The following PCDHA5 variants were observed in gnomAD, a reference collection of about 807,000 sequenced individuals.
The protein encoded by PCDHA5 is protocadherin alpha-5.
In PCDHA5, 43 loss-of-function variants were observed where a neutral mutation model predicts 61.6. The observed-to-expected ratio is 0.70, with a 90% confidence interval of 0.55 to 0.90. The LOEUF (loss-of-function observed/expected upper bound fraction) is 0.90, where lower values mean the gene tolerates loss of function less well. Ranked by LOEUF, PCDHA5 falls within the 40% of genes least tolerant of loss-of-function variation. The probability of loss-of-function intolerance (pLI) is 0.00; values close to 1 mark genes in which losing one functional copy is unlikely to be tolerated. For missense variants in PCDHA5, 1,298 were observed against 1,222.7 expected, an observed-to-expected ratio of 1.06 and a Z score of -0.92; for synonymous variants, 627 against 543.9, an observed-to-expected ratio of 1.15 and a Z score of -2.13.
At position 140,823,689 on chromosome 5, in the gene PCDHA5, G is replaced by T; in HGVS notation, c.1914G>T (p.Glu638Asp). 4 of 1,613,998 alleles carry T rather than the reference G, an allele frequency of 2.5e-6. No individual in the cohort carries two copies. Among genetic ancestry groups the T allele is most frequent in the Non-Finnish European group, 3.4e-6 (4 of 1,179,952 alleles). Residue 638 changes from glutamate (E) to aspartate (D), a missense_variant, in exon 1 of 4, where the codon GAG (glutamate) becomes GAT (aspartate). Transcript: ENST00000529859. ...TCAGCACAACACGCTCTCTGGATGAGACCGAAGCACCGCGCCACCGCCTTC... is the reference window on the plus strand; with the variant it reads ...TCAGCACAACACGCTCTCTGGATGATACCGAAGCACCGCGCCACCGCCTTC... ...GEISTTRSLD[E>D]TEAPRHRLLV...
intron 1 of PCDHA5, among the ~76,000 whole-genome samples, chr5:140,892,929 C>T (rs1259333006): frequency 2.6e-5 from 4 of 152,174 alleles, no homozygotes; most frequent in Non-Finnish European, 5.9e-5. Flanking sequence ...TTCCCAGCCT[C>T]TGATAAGCAC....
At position 140,886,151 on chromosome 5, in the gene PCDHA5, T is replaced by G. The variant is rs184205776; in HGVS notation, c.2352+62024T>G. Reference sequence around the variant, plus strand: ...ACAACCAGATTCTTGATATCACCTTTTTATAGCCACATCTGCTTCCCTGCC... The same window carrying G: ...ACAACCAGATTCTTGATATCACCTTGTTATAGCCACATCTGCTTCCCTGCC... On this transcript the variant is annotated intron_variant, in intron 1 of 3. Coordinates refer to ENST00000529859, the MANE Select transcript of PCDHA5 (RefSeq NM_018908.3). Among the ~76,000 whole-genome samples, 468 of 152,312 alleles carry G rather than the reference T, an allele frequency of 3.1e-3. 3 individuals are homozygous for G. Among genetic ancestry groups the G allele is most frequent in the Middle Eastern group, 0.014 (4 of 294 alleles).
intron 1 of PCDHA5, chr5:140,864,039 A>G (rs1287126881): frequency 6.5e-6 from 1 of 152,908 alleles, no homozygotes; most frequent in Non-Finnish European, 1.5e-5. Context: ...CATCTTAATC[A>G]CTTTTTACTA....
intron 1 of PCDHA5, chr5:140,849,563 G>A: frequency 1.9e-6 from 3 of 1,598,488 alleles, no homozygotes; most frequent in Non-Finnish European, 2.6e-6. Flanking sequence ...AAACGCTCTC[G>A]GTTCCTGTAA....
At chr5:140,828,535 A>G in intron 1 of PCDHA5, 1 of 1,614,248 alleles carries the variant, frequency 6.2e-7, no homozygotes, top group African/African-American at 1.3e-5. Context: ...CTAGGCTGCC[A>G]GATTCTGTGT....
rs1768065709 is a variant in PCDHA5, at chr5:140,824,260, AATTC to A, written c.2352+136_2352+139del. 3.0e-6 allele frequency: 4 copies of A among 1,322,828 alleles called. No individual in the cohort carries two copies. The African/African-American group carries it at 4.4e-5, about 14-fold the overall frequency. The allele number at this position is 1,322,828 out of a possible 1,614,324, so 81.9% of individuals were successfully genotyped here. On this transcript the variant is annotated intron_variant, in intron 1 of 3. Coordinates refer to ENST00000529859, the MANE Select transcript of PCDHA5 (RefSeq NM_018908.3). The stretch of plus-strand genomic sequence containing the variant: ...TATTGTGGTACACAATTATTGCACT[AATTC>A]ATGTATTATATGCTTTTTATGAGGC...
intron 1 of PCDHA5, chr5:140,876,935 C>T (rs1554169119): frequency 6.2e-7 from 1 of 1,613,746 alleles, no homozygotes; most frequent in Non-Finnish European, 8.5e-7. Context: ...CAGAAGAACG[C>T]GCTGGTGTCC....
At chr5:140,964,658 G>T (rs2095846855) in intron 1 of PCDHA5, among the ~76,000 whole-genome samples, 1 of 151,968 alleles carries the variant, frequency 6.6e-6, no homozygotes, top group Admixed American at 6.6e-5. Context: ...AATGGGTGAG[G>T]ACACAGGCCA....
intron 1 of PCDHA5, among the ~76,000 whole-genome samples, chr5:140,932,733 C>A (rs2088585680): frequency 1.3e-5 from 2 of 151,034 alleles, no homozygotes; most frequent in Admixed American, 6.6e-5. Context: ...TAATATAGAC[C>A]CTCAAATCAG....
intron 3 of PCDHA5, among the ~76,000 whole-genome samples, chr5:140,990,910 A>G (rs1460988111): frequency 1.3e-5 from 2 of 152,198 alleles, no homozygotes; most frequent in African/African-American, 2.4e-5. Context: ...GTCAAGTTTT[A>G]TAAGTCTTTA....
At chr5:140,835,820 G>T (rs2150245687) in intron 1 of PCDHA5, 1 of 1,612,676 alleles carries the variant, frequency 6.2e-7, no homozygotes, top group South Asian at 1.1e-5. Flanking sequence ...CTGTGTCGGC[G>T]GGGGACGCGG....
chr5:140,974,302 C>G (rs782329639), intron 1 of PCDHA5, among the ~76,000 whole-genome samples: 1 of 152,176 alleles, frequency 6.6e-6, no homozygotes, highest in Non-Finnish European at 1.5e-5. Flanking sequence ...GGAGGTACAA[C>G]TGTGAGTGAG....
chr5:140,857,059 G>A lies in PCDHA5; in HGVS notation c.2352+32932G>A. On this transcript the variant is annotated intron_variant, in intron 1 of 3. Transcript: ENST00000529859. The stretch of plus-strand genomic sequence containing the variant: ...TGGTTGGTCACTGCACGGTCCTAGT[G>A]GAACTACTGGATGAAAATGATAATT... The A allele has an allele frequency of 4.4e-6, 7 of 1,594,522 alleles. 2 individuals are homozygous for A. The highest frequency in any genetic ancestry group is 6.0e-6 in the Non-Finnish European group (7 of 1,164,610).
intron 1 of PCDHA5, chr5:140,854,253 A>C: frequency 1.3e-5 from 8 of 620,086 alleles, no homozygotes; most frequent in Non-Finnish European, 1.6e-5. Flanking sequence ...CACTTGGTAT[A>C]AAATGTACAT....
At chr5:140,876,532 T>C in intron 1 of PCDHA5, 4 of 1,614,158 alleles carry the variant, frequency 2.5e-6, no homozygotes, top group Middle Eastern at 1.6e-4. Context: ...AATGGTTACT[T>C]CACTGTCGCT....
At chr5:140,870,243 C>T (rs782592982) in intron 1 of PCDHA5, 1 of 1,614,178 alleles carries the variant, frequency 6.2e-7, no homozygotes, top group South Asian at 1.1e-5. Flanking sequence ...ACTCAGGTGT[C>T]AACGGACAGG....
At chr5:140,925,187 C>T (rs2082372782) in intron 1 of PCDHA5, among the ~76,000 whole-genome samples, 1 of 152,134 alleles carries the variant, frequency 6.6e-6, no homozygotes, top group Admixed American at 6.5e-5. Flanking sequence ...TGTACCATCA[C>T]CCAGCTTCAA....
chr5:140,841,310 C>A (rs2150313272), intron 1 of PCDHA5: 14 of 1,550,808 alleles, frequency 9.0e-6, no homozygotes, highest in Non-Finnish European at 1.2e-5. Flanking sequence ...TGATAGGAAA[C>A]GACTATTTAA....
chr5:141,005,697 G>A (rs1197870932), intron 3 of PCDHA5, among the ~76,000 whole-genome samples: 75 of 78,728 alleles, frequency 9.5e-4, no homozygotes, highest in Admixed American at 6.2e-4. Context: ...GCGAAACTCC[G>A]TCTCAAAAAA....
Sources: allele counts gnomAD v4.1 joint callset (sites outside exome capture counted in the v4.1 genomes callset), GRCh38; gene constraint gnomAD v4.1.1; transcripts MANE v1.5; gene names NCBI Gene and HGNC (gene_info 2026-07-23, HGNC 2026-07-21).